The following BARD1 variants were observed in gnomAD, a reference collection of about 807,000 sequenced individuals.
BARD1 encodes the protein BRCA1 associated RING domain 1.
In BARD1, 73 loss-of-function variants were observed where a neutral mutation model predicts 77.0. That is an observed-to-expected ratio of 0.95 (90% CI 0.79 to 1.15). The LOEUF (loss-of-function observed/expected upper bound fraction) is 1.15, where lower values mean the gene tolerates loss of function less well. Ranked by LOEUF, BARD1 falls within the 50% of genes most tolerant of loss-of-function variation. The pLI is 0.00. For synonymous variants in BARD1, 384 were observed against 338.0 expected (o/e 1.14, Z -1.49); for missense variants, 993 against 938.8 (o/e 1.06, Z -0.75).
In BARD1 at chr2:214,809,614, G is replaced by A. The variant is rs561868618; in HGVS notation, c.-45C>T. 27 of 1,523,532 alleles carry A rather than the reference G, an allele frequency of 1.8e-5. No individual in the cohort carries two copies. The highest frequency in any genetic ancestry group is 5.3e-6 in the Non-Finnish European group (6 of 1,137,256). 94.4% of individuals were successfully genotyped at this position (1,523,532 alleles called of 1,614,324 possible). On this transcript the variant is annotated 5_prime_UTR_variant, in exon 1 of 11. Transcript: ENST00000260947. ...AGGCTCCTCGCAGAGCGGGAAGCAA[G>A]GAAGCCTCGGGAAACCACAGGGAAG...
rs730881424 is a variant in BARD1, at chr2:214,728,831, C to T, written c.2179G>A (p.Asp727Asn). 20 of 1,614,068 alleles carry T rather than the reference C, an allele frequency of 1.2e-5. 1 individual carries two copies. In the Admixed American group the frequency reaches 1.8e-4, roughly 15 times the overall value. Residue 727 changes from aspartate (D) to asparagine (N), a missense_variant, in exon 11 of 11, where the codon GAT (aspartate) becomes AAT (asparagine). Coordinates refer to ENST00000260947, the MANE Select transcript of BARD1 (RefSeq NM_000465.4). ...INTVAYHARP[D>N]SDQRFCTQYI... is the part of the protein sequence containing the mutation. ...TGTGTGCAGAAGCGCTGATCAGAAT[C>T]GGGTCTCGCATGGTATGCGACTGTA...
rs75237746 is a variant in BARD1 at position 214,730,345 on chromosome 2, T to G, written c.2001+66A>C. 67,932 of 1,417,652 alleles carry G rather than the reference T, an allele frequency of 0.048. 1,995 individuals carry two copies. Among genetic ancestry groups the G allele is most frequent in the African/African-American group, 0.12 (8,466 of 70,766 alleles). The allele number at this position is 1,417,652 out of a possible 1,614,324, so 87.8% of individuals were successfully genotyped here. ...TAGCTGTTGAAAGGGCAGAAGTTCT[T>G]CCTGATGGTGATAATAATAGTATGT... is the stretch of plus-strand genomic sequence containing the variant. On this transcript the variant is annotated intron_variant, in intron 10 of 10. Coordinates refer to ENST00000260947, the MANE Select transcript of BARD1 (RefSeq NM_000465.4).
At chr2:214,805,992 A>C (rs1173710060) in intron 1 of BARD1, among the ~76,000 whole-genome samples, 1 of 152,176 alleles carries the variant, frequency 6.6e-6, no homozygotes, top group Non-Finnish European at 1.5e-5. Flanking sequence ...TTAGGAACAC[A>C]TTATTACTGT....
chr2:214,764,506 A>G lies in BARD1; in HGVS notation c.1568+2976T>C, dbSNP rs574844532. 2.8e-4 allele frequency among the ~76,000 whole-genome samples: 43 copies of G among 152,308 alleles called. 1 individual carries two copies. The Middle Eastern group carries it at 0.01, about 36-fold the overall frequency. On this transcript the variant is annotated intron_variant, in intron 6 of 10. Coordinates refer to ENST00000260947, the MANE Select transcript of BARD1 (RefSeq NM_000465.4). Reference sequence around the variant, plus strand: ...GAGGTAAAAGACCCTACATATTTTAAGGAAACAAAAATTCAGAAAAGCTGG... The same window carrying G: ...GAGGTAAAAGACCCTACATATTTTAGGGAAACAAAAATTCAGAAAAGCTGG...
intron 4 of BARD1, among the ~76,000 whole-genome samples, chr2:214,771,600 C>A (rs1006120041): frequency 2.0e-5 from 3 of 151,712 alleles, no homozygotes; most frequent in Non-Finnish European, 4.4e-5. Context: ...TGGTGGTACA[C>A]GCCTGTAATC....
intron 9 of BARD1, among the ~76,000 whole-genome samples, chr2:214,742,857 T>C (rs1460512599): frequency 1.3e-5 from 2 of 152,218 alleles, no homozygotes; most frequent in Non-Finnish European, 2.9e-5. Context: ...GACCTTACTA[T>C]GATGAAAATC....
At chr2:214,730,751 G>C (rs900859585) in intron 9 of BARD1, among the ~76,000 whole-genome samples, 1 of 152,088 alleles carries the variant, frequency 6.6e-6, no homozygotes, top group Non-Finnish European at 1.5e-5. Flanking sequence ...AGTTAGTACT[G>C]AACACTAACT....
chr2:214,800,216 G>A (rs186549935), intron 1 of BARD1, among the ~76,000 whole-genome samples: 29 of 152,308 alleles, frequency 1.9e-4, no homozygotes, highest in Admixed American at 6.5e-4. Context: ...TAACATGTGG[G>A]AATAATTGAT....
At chr2:214,772,583 T>C (rs1694555350) in intron 4 of BARD1, among the ~76,000 whole-genome samples, 1 of 152,208 alleles carries the variant, frequency 6.6e-6, no homozygotes, top group South Asian at 2.1e-4. Flanking sequence ...TTAAGGTTGT[T>C]AGACAGTTGC....
intron 4 of BARD1, among the ~76,000 whole-genome samples, chr2:214,775,581 A>C (rs1694701303): frequency 6.6e-6 from 1 of 152,238 alleles, no homozygotes. Context: ...ACAGAGACAC[A>C]CTGAGCATAG....
At chr2:214,743,447 AG>A (rs1254760432) in intron 9 of BARD1, among the ~76,000 whole-genome samples, 2 of 152,228 alleles carry the variant, frequency 1.3e-5, no homozygotes, top group African/African-American at 4.8e-5. Flanking sequence ...TTATAGTCAC[AG>A]GAAGTTTCAA....
intron 3 of BARD1, 31 bp from the exon 4 acceptor site, chr2:214,781,540 A>G: frequency 6.3e-7 from 1 of 1,580,772 alleles, no homozygotes; most frequent in Non-Finnish European, 8.6e-7. Context: ...GAAATCTGTT[A>G]CATGAAATTT....
At chr2:214,732,832 T>C (rs960094432) in intron 9 of BARD1, among the ~76,000 whole-genome samples, 1 of 152,168 alleles carries the variant, frequency 6.6e-6, no homozygotes, top group African/African-American at 2.4e-5. Flanking sequence ...CTTTCTTCTT[T>C]ATTACCCCAC....
intron 9 of BARD1, chr2:214,730,937 T>C (rs1216680443): frequency 2.2e-6 from 1 of 456,048 alleles, no homozygotes; most frequent in South Asian, 1.6e-5. Flanking sequence ...GACAGTTATA[T>C]GTCTAATCGT....
chr2:214,752,114 A>G lies in BARD1; in HGVS notation c.1677+333T>C, dbSNP rs920493622. Among the ~76,000 whole-genome samples, 7 of 151,980 alleles carry G rather than the reference A, an allele frequency of 4.6e-5. No homozygotes were observed. The East Asian group carries it at 1.3e-3, about 29-fold the overall frequency. On this transcript the variant is annotated intron_variant, in intron 7 of 10. Coordinates refer to ENST00000260947, the MANE Select transcript of BARD1 (RefSeq NM_000465.4). ...CGAAACACTCATGTCTAAGTGTCTG[A>G]AATTATTTTATTTATATTAGTTCAA... is the stretch of plus-strand genomic sequence containing the variant.
chr2:214,789,095 CTAAATT>C (rs1695404207), intron 3 of BARD1, among the ~76,000 whole-genome samples: 1 of 152,032 alleles, frequency 6.6e-6, no homozygotes, highest in African/African-American at 2.4e-5. Flanking sequence ...TGTTTATACT[CTAAATT>C]TATTGTCATT....
intron 7 of BARD1, 86 bp downstream of exon 7, chr2:214,752,361 G>A (rs1485425633): frequency 2.6e-6 from 3 of 1,161,736 alleles, no homozygotes; most frequent in Admixed American, 1.8e-5. Flanking sequence ...TAAGCAATTG[G>A]TCAAATGGAA....
chr2:214,773,860 G>T (rs1694623855), intron 4 of BARD1, among the ~76,000 whole-genome samples: 1 of 152,166 alleles, frequency 6.6e-6, no homozygotes, highest in African/African-American at 2.4e-5. Context: ...ATGTGACGCT[G>T]TTTGGTAGCA....
At chr2:214,756,157 T>C (rs1181155269) in intron 6 of BARD1, among the ~76,000 whole-genome samples, 3 of 152,300 alleles carry the variant, frequency 2.0e-5, no homozygotes, top group South Asian at 2.1e-4. Flanking sequence ...GGGAAGTGAC[T>C]GGATCATGGG....
Sources: gnomAD v4.1 joint callset for allele counts (sites outside exome capture counted in the v4.1 genomes callset) on GRCh38, gnomAD v4.1.1 for gene constraint, MANE v1.5 for transcripts, NCBI Gene and HGNC (gene_info 2026-07-23, HGNC 2026-07-21) for gene names.